The following PFKFB4 variants were observed in gnomAD, a reference collection of about 807,000 sequenced individuals.
The protein encoded by PFKFB4 is 6-phosphofructo-2-kinase/fructose-2,6-biphosphatase 4.
In PFKFB4, 42 loss-of-function variants were observed where a neutral mutation model predicts 62.8. The observed-to-expected ratio is 0.67, with a 90% confidence interval of 0.52 to 0.86. The LOEUF (loss-of-function observed/expected upper bound fraction) is 0.86, where lower values mean the gene tolerates loss of function less well. PFKFB4 is among the 40% of genes least tolerant of loss of function. The probability of loss-of-function intolerance (pLI) is 0.00; values close to 1 mark genes in which losing one functional copy is unlikely to be tolerated. For missense variants in PFKFB4, 475 were observed against 627.2 expected, an observed-to-expected ratio of 0.76 and a Z score of 2.59; for synonymous variants, 204 against 240.7, an observed-to-expected ratio of 0.85 and a Z score of 1.41.
At chr3:48,539,945 C>T (rs189759427) in intron 4 of PFKFB4, among the ~76,000 whole-genome samples, 174 bp from the exon 5 acceptor site, 3 of 152,306 alleles carry the variant, frequency 2.0e-5, no homozygotes, top group Admixed American at 6.5e-5. Flanking sequence ...AGACTTGCAA[C>T]GGCTGGGCTG....
At position 48,556,768 on chromosome 3, in the gene PFKFB4, G is replaced by A. The variant is rs149426177; in HGVS notation, c.10C>T (p.Pro4Ser). Residue 4 changes from proline to serine, a missense_variant, in exon 1 of 14, where the codon CCA becomes TCA. Coordinates refer to ENST00000232375, the MANE Select transcript of PFKFB4 (RefSeq NM_004567.4). This position sits in a 1 kb window ranked among gnomAD's most constrained non-coding sequence, Gnocchi z 5.7. ...AGGGGGTTCTGTGTCAATTCCCGTG[G>A]GGACGCCATCCCGGGGCCGGGATGA... MAS[P>S]RELTQNPLKK... 34 of 1,600,486 alleles carry A rather than the reference G, an allele frequency of 2.1e-5. No individual in the cohort carries two copies. In the African/African-American group the frequency reaches 4.3e-4, roughly 20 times the overall value.
intron 9 of PFKFB4, among the ~76,000 whole-genome samples, chr3:48,527,339 G>A (rs2042296302): frequency 6.7e-6 from 1 of 149,378 alleles, no homozygotes; most frequent in South Asian, 2.1e-4. Context: ...GAGTCCAGTG[G>A]TGTGATCTTG....
At chr3:48,531,643 T>TGG in intron 9 of PFKFB4, among the ~76,000 whole-genome samples, 2 of 150,232 alleles carry the variant, frequency 1.3e-5, no homozygotes, top group Non-Finnish European at 3.0e-5. Context: ...TTTTTTTAAA[T>TGG]TTAGCTGGGT....
At chr3:48,541,971 T>TA (rs1184748050) in intron 4 of PFKFB4, among the ~76,000 whole-genome samples, 2 of 148,434 alleles carry the variant, frequency 1.3e-5, no homozygotes, top group Non-Finnish European at 3.0e-5. Context: ...CTCAAGGAAA[T>TA]AAAAAACAAC....
At position 48,519,354 on chromosome 3, in the gene PFKFB4, T is replaced by C; in HGVS notation, c.*393A>G. 1 of 173,874 alleles carries C rather than the reference T, an allele frequency of 5.8e-6. No homozygotes were observed. 10.8% of individuals were successfully genotyped at this position (173,874 alleles called of 1,614,324 possible). A position where few individuals can be genotyped will look rare whatever the true frequency, so the allele number is the denominator to read the frequency against. On this transcript the variant is annotated 3_prime_UTR_variant, in exon 14 of 14. Coordinates refer to ENST00000232375, the MANE Select transcript of PFKFB4 (RefSeq NM_004567.4). The stretch of plus-strand genomic sequence containing the variant: ...CTGTGGAGAGTCACCAGGTCCATGC[T>C]GGGCAGCTGGGCCACAGTAGGAACA...
At chr3:48,558,821 G>A (rs537113115), upstream of PFKFB4, among the ~76,000 whole-genome samples, 4 of 152,266 alleles carry the variant, frequency 2.6e-5, no homozygotes, top group South Asian at 2.1e-4. Flanking sequence ...GGTGCCCCTC[G>A]TGACCTGCTC....
At chr3:48,536,146 C>T (rs1033748686) in intron 8 of PFKFB4, 110 bp downstream of exon 8, 4 of 887,340 alleles carry the variant, frequency 4.5e-6, no homozygotes, top group African/African-American at 3.3e-5. Flanking sequence ...ACCTCGACTG[C>T]ACATTAAAAG....
At chr3:48,553,229 T>G (rs2043209923) in intron 1 of PFKFB4, among the ~76,000 whole-genome samples, 1 of 152,192 alleles carries the variant, frequency 6.6e-6, no homozygotes, top group Non-Finnish European at 1.5e-5. Flanking sequence ...ATCCCAGCAC[T>G]TTGGGAGGCC....
upstream of PFKFB4, chr3:48,561,219 GC>G (rs1575410784): frequency 1.8e-6 from 1 of 548,828 alleles, no homozygotes; most frequent in Non-Finnish European, 2.7e-6. This position sits in a 1 kb window ranked among gnomAD's most constrained non-coding sequence, Gnocchi z 5.2. Flanking sequence ...GGCTCCTGCA[GC>G]CCCGCCTCCC....
chr3:48,556,457 C>T lies in PFKFB4; in HGVS notation c.97+224G>A, dbSNP rs2043324452. On this transcript the variant is annotated intron_variant, in intron 1 of 13. Coordinates refer to ENST00000232375, the MANE Select transcript of PFKFB4 (RefSeq NM_004567.4). The surrounding 1 kb of genome is among the most constrained non-coding windows in gnomAD (Gnocchi z 5.7). ...TAGCCACCGCCAAGCCGATATGCCC[C>T]CACACACCTGTCCCCGCCCCCTGCT... Among the ~76,000 whole-genome samples the T allele has an allele frequency of 6.6e-6, 1 of 152,258 alleles. No homozygotes were observed. The highest frequency in any genetic ancestry group is 2.4e-5 in the African/African-American group (1 of 41,536).
chr3:48,522,218 G>A (rs143363161), intron 12 of PFKFB4, among the ~76,000 whole-genome samples, 168 bp from the exon 13 acceptor site: 16 of 152,296 alleles, frequency 1.1e-4, no homozygotes, highest in Non-Finnish European at 2.1e-4. Flanking sequence ...CGGGAGGAAG[G>A]ATGAGACACG....
chr3:48,552,235 C>T (rs575212318), intron 1 of PFKFB4, among the ~76,000 whole-genome samples: 1 of 152,360 alleles, frequency 6.6e-6, no homozygotes, highest in Non-Finnish European at 1.5e-5. Flanking sequence ...AAGCTGTGCC[C>T]TCTGTCCTAC....
chr3:48,560,632 C>A (rs1168932378), upstream of PFKFB4, among the ~76,000 whole-genome samples: 1 of 152,226 alleles, frequency 6.6e-6, no homozygotes, highest in Non-Finnish European at 1.5e-5. Flanking sequence ...TGGCACAGGG[C>A]ACACAGCAGA....
chr3:48,560,561 G>T (rs538213163), upstream of PFKFB4, among the ~76,000 whole-genome samples: 1 of 152,334 alleles, frequency 6.6e-6, no homozygotes. Context: ...CACACAGAAA[G>T]GGTTCAGAGA....
Position 48,523,768 on chromosome 3 carries a change from A to G in PFKFB4, c.1155T>C (p.Asn385=). ...CAGCCTGGTGGCAGATGACCAGCAC[A>G]TTCTCTTGCCTCTCCAGCTCCATGA... ...PVIMELERQE[N]VLVICHQAVM... The change falls in exon 11 of 14, where the codon AAT becomes AAC. Residue 385 remains asparagine, a synonymous_variant. Coordinates refer to ENST00000232375, the MANE Select transcript of PFKFB4 (RefSeq NM_004567.4). The G allele has an allele frequency of 6.2e-7, 1 of 1,614,212 alleles. No individual in the cohort carries two copies. The highest frequency in any genetic ancestry group is 8.5e-7 in the Non-Finnish European group (1 of 1,180,038).
chr3:48,539,823 C>T, intron 4 of PFKFB4, 52 bp from the exon 5 acceptor site: 2 of 1,448,542 alleles, frequency 1.4e-6, no homozygotes, highest in Non-Finnish European at 1.9e-6. Context: ...AAGGAAGGGG[C>T]CAGAGTGGGC....
chr3:48,523,897 C>G, intron 10 of PFKFB4, 67 bp from the exon 11 acceptor site: 1 of 1,512,232 alleles, frequency 6.6e-7, no homozygotes, highest in East Asian at 2.3e-5. Flanking sequence ...ACATCCTGGA[C>G]ACTGGGCCAC....
At position 48,523,782 on chromosome 3, in the gene PFKFB4, C is replaced by G. The variant is rs1409578092; in HGVS notation, c.1141G>C (p.Glu381Gln). ...QRLEPVIMEL[E>Q]RQENVLVICH... ...ATGACCAGCACATTCTCTTGCCTCT[C>G]CAGCTCCATGATGACAGGCTCCAGT... The change falls in exon 11 of 14, where the codon GAG (glutamate) becomes CAG (glutamine). Residue 381 changes from glutamate (E) to glutamine (Q), a missense_variant. Coordinates refer to ENST00000232375, the MANE Select transcript of PFKFB4 (RefSeq NM_004567.4). 6.2e-7 allele frequency: 1 copy of G among 1,614,196 alleles called. No individual in the cohort carries two copies. Among genetic ancestry groups the G allele is most frequent in the Admixed American group, 1.7e-5 (1 of 60,024 alleles).
chr3:48,536,260 C>T lies in PFKFB4; in HGVS notation c.836G>A (p.Arg279Lys). The T allele has an allele frequency of 3.7e-6, 6 of 1,613,236 alleles. No individual in the cohort carries two copies. The highest frequency in any genetic ancestry group is 4.2e-6 in the Non-Finnish European group (5 of 1,179,638). Reference protein sequence around the residue: ...GGDPGLSPRGREFAKSLAQFI... With the variant: ...GGDPGLSPRGKEFAKSLAQFI... ...CGCAGGGACACATGCACTGACCTCC[C>T]TGCCCCGAGGGGACAGTCCTGGGTC... Residue 279 changes from arginine to lysine, a missense_variant, in exon 8 of 14, where the codon AGG becomes AAG. Coordinates refer to ENST00000232375, the MANE Select transcript of PFKFB4 (RefSeq NM_004567.4).
Sources: gnomAD v4.1 joint callset for allele counts (sites outside exome capture counted in the v4.1 genomes callset) on GRCh38, gnomAD v4.1.1 for gene constraint, Gnocchi (gnomAD v3.1) non-coding constraint, MANE v1.5 for transcripts, NCBI Gene and HGNC (gene_info 2026-07-23, HGNC 2026-07-21) for gene names.